ACOXL: variants seen among roughly 807,000 people sequenced by gnomAD.
ACOXL encodes acyl-coenzyme A oxidase-like protein.
ACOXL carries 70 observed loss-of-function variants against 71.9 expected under a neutral mutation model. The observed-to-expected ratio is 0.97, with a 90% CI of 0.80 to 1.19. The LOEUF is 1.19. ACOXL is among the 50% of genes most tolerant of loss of function. The probability of loss-of-function intolerance (pLI) is 0.00; values close to 1 mark genes in which losing one functional copy is unlikely to be tolerated. For synonymous variants in ACOXL, 253 were observed against 281.6 expected (o/e 0.90, Z 1.02); for missense variants, 703 against 736.3 (o/e 0.95, Z 0.52).
chr2:110,904,363 C>T (rs774862183), intron 10 of ACOXL, among the ~76,000 whole-genome samples: 1 of 152,118 alleles, frequency 6.6e-6, no homozygotes, highest in African/African-American at 2.4e-5. Context: ...GACAAGCAAA[C>T]GTTCCAAGGA....
intron 16 of ACOXL, among the ~76,000 whole-genome samples, chr2:111,062,223 A>G (rs551042818): frequency 6.8e-4 from 103 of 152,236 alleles, no homozygotes; most frequent in Non-Finnish European, 1.3e-3. Flanking sequence ...TAATTGAGAC[A>G]TAGAAAGACA....
chr2:110,901,845 G>A (rs569515825), intron 10 of ACOXL, among the ~76,000 whole-genome samples: 27 of 151,828 alleles, frequency 1.8e-4, no homozygotes, highest in South Asian at 2.1e-4. Flanking sequence ...AGCTAATATG[G>A]TGAAACCCCA....
At chr2:110,772,820 C>A (rs1682134708) in intron 2 of ACOXL, among the ~76,000 whole-genome samples, 1 of 152,196 alleles carries the variant, frequency 6.6e-6, no homozygotes, top group Non-Finnish European at 1.5e-5. Flanking sequence ...ATGTGAGACA[C>A]TGGATATTCA....
chr2:110,775,342 TA>T (rs964217859), intron 2 of ACOXL, among the ~76,000 whole-genome samples: 1 of 152,172 alleles, frequency 6.6e-6, no homozygotes, highest in African/African-American at 2.4e-5. Flanking sequence ...ATCTAATTAT[TA>T]AAAACAATTT....
intron 16 of ACOXL, among the ~76,000 whole-genome samples, chr2:111,053,630 G>A (rs749540019): frequency 6.6e-6 from 1 of 152,234 alleles, no homozygotes; most frequent in South Asian, 2.1e-4. Context: ...TAGGGTGGAA[G>A]TTGGCAGGAA....
rs180832305 is a variant in ACOXL at position 110,812,561 on chromosome 2, G to A, written c.753+7166G>A. ...CTCCCACTATAGGTGAGAACATGCC[G>A]TATTTGGTTTTCTGTTTCTGTGTTA... is the stretch of plus-strand genomic sequence containing the variant. On this transcript the variant is annotated intron_variant, in intron 9 of 17. Coordinates refer to ENST00000439055, the MANE Select transcript of ACOXL (RefSeq NM_001142807.4). Among the ~76,000 whole-genome samples the A allele has an allele frequency of 3.2e-3, 480 of 152,292 alleles. 3 individuals carry two copies. The highest frequency in any genetic ancestry group is 5.2e-3 in the Non-Finnish European group (355 of 68,036).
chr2:110,975,622 AAAAG>A (rs1326395603), intron 12 of ACOXL, among the ~76,000 whole-genome samples: 2 of 152,182 alleles, frequency 1.3e-5, no homozygotes, highest in Non-Finnish European at 2.9e-5. Context: ...AACAGCGTGA[AAAAG>A]AAGGAGCAAG....
chr2:110,915,354 G>A (rs565447980), intron 11 of ACOXL, among the ~76,000 whole-genome samples: 1,442 of 121,558 alleles, frequency 0.012, 32 homozygotes, highest in African/African-American at 0.048. Context: ...ATATATATGT[G>A]TGTGTGTGTG....
chr2:110,838,003 A>G (rs1000468027), intron 9 of ACOXL, among the ~76,000 whole-genome samples: 2 of 152,274 alleles, frequency 1.3e-5, no homozygotes, highest in Middle Eastern at 3.4e-3. Context: ...CCAGCAACAA[A>G]GGGGTCAATT....
intron 1 of ACOXL, among the ~76,000 whole-genome samples, chr2:110,755,281 T>C (rs985823443): frequency 6.6e-6 from 1 of 152,176 alleles, no homozygotes; most frequent in African/African-American, 2.4e-5. Context: ...GCCTGCAGCC[T>C]GAGATCTAGG....
rs537039181 is a variant in ACOXL, at chr2:110,984,329, A to G, written c.1060-2779A>G. Among the ~76,000 whole-genome samples, 26 of 152,302 alleles carry G rather than the reference A, an allele frequency of 1.7e-4. No individual in the cohort carries two copies. The South Asian group carries it at 5.2e-3, about 30-fold the overall frequency. ...TATTCAGGAACACCTCTATGAGGTAAAACAAGCACATCTTCATTGCACACT... is the reference window on the plus strand; with the variant it reads ...TATTCAGGAACACCTCTATGAGGTAGAACAAGCACATCTTCATTGCACACT... On this transcript the variant is annotated intron_variant, in intron 12 of 17. Coordinates refer to ENST00000439055, the MANE Select transcript of ACOXL (RefSeq NM_001142807.4).
At chr2:111,110,397 C>A (rs1256433790) in intron 17 of ACOXL, among the ~76,000 whole-genome samples, 1 of 152,160 alleles carries the variant, frequency 6.6e-6, no homozygotes, top group Non-Finnish European at 1.5e-5. Context: ...GGGTTGAACT[C>A]CAGCGCAGCT....
At chr2:110,736,765 A>G (rs1408345128) in intron 1 of ACOXL, among the ~76,000 whole-genome samples, 3 of 152,058 alleles carry the variant, frequency 2.0e-5, no homozygotes, top group Non-Finnish European at 2.9e-5. Context: ...GACTACAGGC[A>G]CCCACCACCA....
Position 111,021,519 on chromosome 2 carries a change from C to T in ACOXL, c.1282-10108C>T, listed in dbSNP as rs138948539. ...CTCATCTCAGAAGCCACCAGTGAGCCGCTGGCTACTGGGCCCAGCCCCCTT... is the reference window on the plus strand; with the variant it reads ...CTCATCTCAGAAGCCACCAGTGAGCTGCTGGCTACTGGGCCCAGCCCCCTT... On this transcript the variant is annotated intron_variant, in intron 14 of 17. Coordinates refer to ENST00000439055, the MANE Select transcript of ACOXL (RefSeq NM_001142807.4). Among the ~76,000 whole-genome samples, 915 of 152,248 alleles carry T rather than the reference C, an allele frequency of 6.0e-3. 5 individuals are homozygous for T. Among genetic ancestry groups the T allele is most frequent in the African/African-American group, 0.021 (868 of 41,546 alleles).
chr2:110,984,634 G>A (rs1463176422), intron 12 of ACOXL, among the ~76,000 whole-genome samples: 1 of 152,188 alleles, frequency 6.6e-6, no homozygotes, highest in Admixed American at 6.5e-5. Context: ...CTTAAGTTTA[G>A]CACCTGAACT....
intron 10 of ACOXL, among the ~76,000 whole-genome samples, chr2:110,843,087 G>A (rs951235864): frequency 6.6e-6 from 1 of 152,208 alleles, no homozygotes; most frequent in Non-Finnish European, 1.5e-5. Context: ...GGTGGGTATG[G>A]AAGTGCTCTC....
chr2:111,080,384 C>T (rs1200218184), intron 16 of ACOXL, among the ~76,000 whole-genome samples: 7 of 152,180 alleles, frequency 4.6e-5, no homozygotes, highest in Admixed American at 4.6e-4. Flanking sequence ...CTAACCACTG[C>T]TTTAGCTGTG....
At chr2:110,968,377 G>C (rs1294409890) in intron 12 of ACOXL, 1 of 1,165,704 alleles carries the variant, frequency 8.6e-7, no homozygotes, top group Non-Finnish European at 1.3e-6. Flanking sequence ...ATGATTCCCT[G>C]GTTATGATTC....
intron 2 of ACOXL, among the ~76,000 whole-genome samples, chr2:110,775,649 G>A (rs1573457261): frequency 1.3e-5 from 2 of 152,172 alleles, no homozygotes; most frequent in East Asian, 1.9e-4. Flanking sequence ...GATGCCCAAC[G>A]TCACTAATCA....
Sources: gnomAD v4.1 joint callset for allele counts (sites outside exome capture counted in the v4.1 genomes callset) on GRCh38, gnomAD v4.1.1 for gene constraint, MANE v1.5 for transcripts, NCBI Gene and HGNC (gene_info 2026-07-23, HGNC 2026-07-21) for gene names.